The following EPHA6 variants were observed in gnomAD, a reference collection of about 807,000 sequenced individuals.
EPHA6 encodes the protein ephrin type-A receptor 6.
EPHA6 carries 50 observed loss-of-function variants against 112.0 expected under a neutral mutation model. That is an observed-to-expected ratio of 0.45 (90% CI 0.36 to 0.56). The LOEUF (loss-of-function observed/expected upper bound fraction) is 0.56, where lower values mean the gene tolerates loss of function less well. EPHA6 is among the 20% of genes least tolerant of loss of function. The probability of loss-of-function intolerance (pLI) is 0.00; values close to 1 mark genes in which losing one functional copy is unlikely to be tolerated. For missense variants in EPHA6, 1,280 were observed against 1,417.4 expected, an observed-to-expected ratio of 0.90 and a Z score of 1.56; for synonymous variants, 529 against 490.7, an observed-to-expected ratio of 1.08 and a Z score of -1.03.
chr3:96,940,860 C>A (rs2107685875), intron 2 of EPHA6, among the ~76,000 whole-genome samples: 1 of 152,236 alleles, frequency 6.6e-6, no homozygotes, highest in East Asian at 1.9e-4. Context: ...ACTTATGAAG[C>A]TTAGTTTGGC....
intron 2 of EPHA6, among the ~76,000 whole-genome samples, chr3:96,973,460 T>A (rs889570155): frequency 1.3e-5 from 2 of 152,144 alleles, no homozygotes; most frequent in African/African-American, 4.8e-5. Flanking sequence ...TTAAAATAAT[T>A]CAATCTGTAA....
chr3:97,520,548 C>G (rs974546213), intron 10 of EPHA6, among the ~76,000 whole-genome samples: 10 of 152,144 alleles, frequency 6.6e-5, no homozygotes, highest in Non-Finnish European at 1.5e-5. Context: ...TATCTTCTGG[C>G]CTGTAAGGCT....
intron 14 of EPHA6, among the ~76,000 whole-genome samples, chr3:97,647,618 A>ACATATAT (rs2094075462): frequency 6.6e-6 from 1 of 152,180 alleles, no homozygotes; most frequent in East Asian, 1.9e-4. Flanking sequence ...ACCTAACAAT[A>ACATATAT]CATATATAAT....
chr3:97,190,722 G>A (rs182838377), intron 3 of EPHA6, among the ~76,000 whole-genome samples: 9 of 151,890 alleles, frequency 5.9e-5, no homozygotes, highest in East Asian at 5.8e-4. Flanking sequence ...TATTTTTTGT[G>A]GAGGGGAGCG....
chr3:96,911,098 A>G (rs1454316826), intron 2 of EPHA6, among the ~76,000 whole-genome samples: 2 of 152,102 alleles, frequency 1.3e-5, no homozygotes, highest in Non-Finnish European at 2.9e-5. Context: ...CTATTATAGT[A>G]AAATATTAGC....
intron 1 of EPHA6, among the ~76,000 whole-genome samples, chr3:96,816,761 A>T (rs1559744915): frequency 6.6e-6 from 1 of 151,962 alleles, no homozygotes; most frequent in Non-Finnish European, 1.5e-5. Context: ...TCTACAAATG[A>T]CCCTAAAGTG....
chr3:97,700,100 A>G (rs1275932432), intron 14 of EPHA6, among the ~76,000 whole-genome samples: 1 of 152,246 alleles, frequency 6.6e-6, no homozygotes, highest in Non-Finnish European at 1.5e-5. Context: ...TGTGGACCAC[A>G]AAAAGCACAG....
intron 2 of EPHA6, among the ~76,000 whole-genome samples, chr3:96,896,883 T>G (rs914797841): frequency 3.3e-5 from 5 of 152,170 alleles, no homozygotes; most frequent in African/African-American, 1.2e-4. Context: ...TGTTTAAATT[T>G]TTAGAAACTT....
Position 97,759,243 on chromosome 3 carries a change from C to T in EPHA6, c.*10542C>T, listed in dbSNP as rs1267335883. ...GGAAGTTGTTGTTGTTGATGACCTT[C>T]ACAAGGTCATCAACTATGAAAATAG... On this transcript the variant is annotated 3_prime_UTR_variant, in exon 18 of 18. Coordinates refer to ENST00000389672, the MANE Select transcript of EPHA6 (RefSeq NM_001080448.3). 6.6e-6 allele frequency among the ~76,000 whole-genome samples: 1 copy of T among 151,848 alleles called. No homozygotes were observed. The highest frequency in any genetic ancestry group is 1.5e-5 in the Non-Finnish European group (1 of 67,860).
chr3:97,179,978 G>A (rs1399412442), intron 3 of EPHA6, among the ~76,000 whole-genome samples: 1 of 152,006 alleles, frequency 6.6e-6, no homozygotes, highest in African/African-American at 2.4e-5. Flanking sequence ...TTGCCTTAAG[G>A]TTGGCAAGGT....
chr3:97,039,397 G>A (rs1022177176), intron 3 of EPHA6, among the ~76,000 whole-genome samples: 2 of 152,056 alleles, frequency 1.3e-5, no homozygotes, highest in African/African-American at 4.8e-5. Flanking sequence ...GAATTCAGAT[G>A]ACTTTAAAAT....
At chr3:97,027,067 A>G (rs1212024262) in intron 3 of EPHA6, among the ~76,000 whole-genome samples, 1 of 152,214 alleles carries the variant, frequency 6.6e-6, no homozygotes, top group African/African-American at 2.4e-5. Flanking sequence ...GACTGGATAA[A>G]GAAAACGTGG....
At chr3:97,200,899 G>GTGA (rs2077563251) in intron 3 of EPHA6, among the ~76,000 whole-genome samples, 1 of 152,136 alleles carries the variant, frequency 6.6e-6, no homozygotes, top group African/African-American at 2.4e-5. Context: ...ATGTGAAAAT[G>GTGA]TGATAGTTCT....
At chr3:96,993,530 G>C (rs115184471) in intron 3 of EPHA6, among the ~76,000 whole-genome samples, 3,235 of 152,104 alleles carry the variant, frequency 0.021, 56 homozygotes, top group Non-Finnish European at 0.032. Context: ...ACTGCTCCTG[G>C]CCCCCACTAT....
rs559061542 is a variant in EPHA6, at chr3:97,560,165, A to G, written c.2386+27622A>G. Among the ~76,000 whole-genome samples the G allele has an allele frequency of 7.9e-5, 12 of 152,086 alleles. No individual in the cohort carries two copies. In the East Asian group the frequency reaches 2.3e-3, roughly 29 times the overall value. On this transcript the variant is annotated intron_variant, in intron 11 of 17. Transcript: ENST00000389672. ...CCTGAAATCATGATTGAAATAAAAA[A>G]AAAAGAATCCATGGAATAGAAAGTT...
rs150308149 is a variant in EPHA6, at chr3:97,489,413, C to T, written c.2200+5354C>T. Among the ~76,000 whole-genome samples, 50 of 152,268 alleles carry T rather than the reference C, an allele frequency of 3.3e-4. No individual in the cohort carries two copies. The South Asian group carries it at 4.8e-3, about 15-fold the overall frequency. ...AATTAAAGAAACTCAAGGCAGGGCA[C>T]GGTGACTCACGCCTGTAATCCCAGC... On this transcript the variant is annotated intron_variant, in intron 10 of 17. Transcript: ENST00000389672.
At chr3:97,199,575 T>C (rs1426470883) in intron 3 of EPHA6, among the ~76,000 whole-genome samples, 4 of 152,176 alleles carry the variant, frequency 2.6e-5, no homozygotes, top group African/African-American at 9.6e-5. Flanking sequence ...GCCTTGAAAT[T>C]AGAACAATGG....
chr3:97,488,666 T>G (rs1355817696), intron 10 of EPHA6, among the ~76,000 whole-genome samples: 1 of 152,212 alleles, frequency 6.6e-6, no homozygotes, highest in Non-Finnish European at 1.5e-5. Context: ...TCTCTTTATA[T>G]ATATATTTTA....
chr3:97,665,691 A>C (rs1234595961), intron 14 of EPHA6, among the ~76,000 whole-genome samples: 3 of 152,158 alleles, frequency 2.0e-5, no homozygotes, highest in South Asian at 2.1e-4. Context: ...TATCTAACTC[A>C]TCAATACACA....
Sources: gnomAD v4.1 joint callset for allele counts (sites outside exome capture counted in the v4.1 genomes callset) on GRCh38, gnomAD v4.1.1 for gene constraint, MANE v1.5 for transcripts, NCBI Gene and HGNC (gene_info 2026-07-23, HGNC 2026-07-21) for gene names.